The following FGD4 variants were observed in gnomAD, a reference collection of about 807,000 sequenced individuals.
FGD4 encodes the protein FYVE, RhoGEF and PH domain-containing protein 4.
A neutral mutation model predicts 102.0 loss-of-function variants in FGD4; 42 were observed. That is an observed-to-expected ratio of 0.41 (90% CI 0.32 to 0.53). The LOEUF (loss-of-function observed/expected upper bound fraction) is 0.53. FGD4 is among the 20% of genes least tolerant of loss of function. The probability of loss-of-function intolerance (pLI) is 0.21; values close to 1 mark genes in which losing one functional copy is unlikely to be tolerated. For missense variants in FGD4, 902 were observed against 1,078.2 expected (o/e 0.84, Z 2.29); for synonymous variants, 380 against 375.7 (o/e 1.01, Z -0.13).
rs1157108520 is a variant in FGD4 at position 32,481,127 on chromosome 12, CAAAAAAAAAA to C, written c.166+81189_166+81198del. 2.6e-3 allele frequency among the ~76,000 whole-genome samples: 71 copies of C among 27,352 alleles called. No homozygotes were observed. The East Asian group carries it at 0.055, about 21-fold the overall frequency. 17.9% of individuals were successfully genotyped at this position (27,352 alleles called of 152,430 possible). A position where few individuals can be genotyped will look rare whatever the true frequency, so the allele number is the denominator to read the frequency against. The stretch of plus-strand genomic sequence containing the variant: ...TGGGTGACAGAGTGAGACTCCGTCT[CAAAAAAAAAA>C]AAAAAAAAAAAAAAAAAAAAGCCGG... On this transcript the variant is annotated intron_variant, in intron 1 of 16. Transcript: ENST00000534526.
chr12:32,535,122 A>G (rs536626900), intron 1 of FGD4, among the ~76,000 whole-genome samples: 27 of 152,226 alleles, frequency 1.8e-4, no homozygotes, highest in Non-Finnish European at 4.0e-4. Context: ...TGAAATAGAA[A>G]TGTAATTCAA....
intron 1 of FGD4, among the ~76,000 whole-genome samples, chr12:32,545,821 C>T (rs1006293558): frequency 6.6e-6 from 1 of 152,230 alleles, no homozygotes; most frequent in African/African-American, 2.4e-5. Flanking sequence ...GCTTCTAACC[C>T]TTCCAGTAGG....
chr12:32,420,104 C>T (rs1160363909), intron 1 of FGD4, among the ~76,000 whole-genome samples: 1 of 152,118 alleles, frequency 6.6e-6, no homozygotes, highest in African/African-American at 2.4e-5. Flanking sequence ...TTTGATGTTC[C>T]TCCTGGGGGT....
intron 12 of FGD4, 30 bp downstream of exon 12, chr12:32,624,482 CT>C (rs10700807): frequency 0.014 from 17,777 of 1,265,430 alleles, 4 homozygotes; most frequent in Admixed American, 0.021. Flanking sequence ...CCTTTTCTTT[CT>C]TTTTTTTTTT....
chr12:32,523,538 G>T (rs1182355658), intron 1 of FGD4, among the ~76,000 whole-genome samples: 2 of 152,220 alleles, frequency 1.3e-5, no homozygotes, highest in Non-Finnish European at 2.9e-5. Context: ...AAGAGATGGG[G>T]TTAAAGGACT....
chr12:32,519,119 GAAAAAAAAAA>G (rs751377618), intron 1 of FGD4, among the ~76,000 whole-genome samples: 25 of 73,428 alleles, frequency 3.4e-4, no homozygotes, highest in Non-Finnish European at 6.0e-4. Context: ...TCCGTCTCAG[GAAAAAAAAAA>G]AAAAAAAAAA....
intron 8 of FGD4, among the ~76,000 whole-genome samples, chr12:32,609,606 G>C (rs1368098580): frequency 6.6e-6 from 1 of 152,164 alleles, no homozygotes. Flanking sequence ...AAATGAGAAA[G>C]TTGGTGACAT....
intron 1 of FGD4, among the ~76,000 whole-genome samples, chr12:32,541,482 C>T (rs192611963): frequency 0.011 from 1,685 of 152,268 alleles, 11 homozygotes; most frequent in Non-Finnish European, 0.016. Flanking sequence ...TCTCCTTCCT[C>T]AGCCTCCTGA....
chr12:32,556,625 G>A (rs1052222185), intron 1 of FGD4, among the ~76,000 whole-genome samples: 1 of 152,078 alleles, frequency 6.6e-6, no homozygotes, highest in Non-Finnish European at 1.5e-5. Context: ...GGGAGGCCAA[G>A]GTGGGTGGAT....
chr12:32,541,001 T>C (rs575060728), intron 1 of FGD4, among the ~76,000 whole-genome samples: 38 of 152,344 alleles, frequency 2.5e-4, no homozygotes, highest in African/African-American at 8.7e-4. Flanking sequence ...AGACTTTTTA[T>C]TTGTAGGAGA....
chr12:32,619,308 AT>A (rs1452073609), intron 10 of FGD4, among the ~76,000 whole-genome samples: 1 of 152,090 alleles, frequency 6.6e-6, no homozygotes, highest in Admixed American at 6.6e-5. Flanking sequence ...ATTACTTAGA[AT>A]TTTTGTCTAG....
intron 1 of FGD4, among the ~76,000 whole-genome samples, chr12:32,473,291 C>G (rs1055033430): frequency 2.0e-5 from 3 of 151,958 alleles, no homozygotes; most frequent in Non-Finnish European, 4.4e-5. Context: ...TTCTTTTGCT[C>G]TTTGCAATAA....
At chr12:32,618,790 G>A (rs1949605326) in intron 10 of FGD4, among the ~76,000 whole-genome samples, 1 of 152,174 alleles carries the variant, frequency 6.6e-6, no homozygotes, top group African/African-American at 2.4e-5. Flanking sequence ...GGGCAACATA[G>A]CAAGACCTCA....
At chr12:32,488,319 G>T (rs1184300155) in intron 1 of FGD4, among the ~76,000 whole-genome samples, 3 of 152,130 alleles carry the variant, frequency 2.0e-5, no homozygotes, top group African/African-American at 7.2e-5. Context: ...AGTACTTTGA[G>T]TTACTTATAA....
chr12:32,461,859 T>C (rs1309677638), intron 1 of FGD4, among the ~76,000 whole-genome samples: 1 of 152,142 alleles, frequency 6.6e-6, no homozygotes, highest in Non-Finnish European at 1.5e-5. Context: ...CCCGAGTAGC[T>C]GGGATTACGG....
At chr12:32,570,974 T>C (rs1290478167) in intron 2 of FGD4, among the ~76,000 whole-genome samples, 2 of 152,206 alleles carry the variant, frequency 1.3e-5, no homozygotes, top group South Asian at 2.1e-4. Context: ...ATCTTAAAAA[T>C]AGACGTCTCA....
At chr12:32,430,090 C>T (rs1431256682) in intron 1 of FGD4, among the ~76,000 whole-genome samples, 1 of 152,058 alleles carries the variant, frequency 6.6e-6, no homozygotes, top group Non-Finnish European at 1.5e-5. Context: ...GGCAGATCAC[C>T]TGAGGTCAGG....
chr12:32,616,983 T>TGAGA (rs3044442), intron 10 of FGD4, among the ~76,000 whole-genome samples: 3 of 150,462 alleles, frequency 2.0e-5, no homozygotes, highest in Admixed American at 6.6e-5. Flanking sequence ...CATCACATGG[T>TGAGA]GAGAGAGAGA....
rs1035183794 is a variant in FGD4 at position 32,624,752 on chromosome 12, G to C, written c.1954-224G>C. 1.1e-5 allele frequency: 7 copies of C among 632,562 alleles called. No homozygotes were observed. In the Admixed American group the frequency reaches 1.2e-4, roughly 11 times the overall value. The allele number at this position is 632,562 out of a possible 1,614,324, so 39.2% of individuals were successfully genotyped here. A position where few individuals can be genotyped will look rare whatever the true frequency, so the allele number is the denominator to read the frequency against. On this transcript the variant is annotated intron_variant, in intron 12 of 16. Transcript: ENST00000534526. ...GTCTCCCAAAGTGCTGGGATTACAG[G>C]TGTGAGCCACCACGCCCAGCTTATT...
Sources: gnomAD v4.1 joint callset for allele counts (sites outside exome capture counted in the v4.1 genomes callset) on GRCh38, gnomAD v4.1.1 for gene constraint, MANE v1.5 for transcripts, NCBI Gene and HGNC (gene_info 2026-07-23, HGNC 2026-07-21) for gene names.